The following UVRAG variants were observed in gnomAD, a reference collection of about 807,000 sequenced individuals.
The protein encoded by UVRAG is UV radiation resistance associated, also known as UV radiation resistance-associated gene protein.
Under a neutral mutation model 78.0 loss-of-function variants are expected in UVRAG, and 19 were observed. That is an observed-to-expected ratio of 0.24 (90% CI 0.17 to 0.36). The LOEUF (loss-of-function observed/expected upper bound fraction) is 0.36, where lower values mean the gene tolerates loss of function less well. Among genes scored for constraint, UVRAG ranks in the 10% least tolerant of loss-of-function variants. The pLI, the probability that UVRAG is intolerant of heterozygous loss-of-function variation, is 1.00. For missense variants in UVRAG, 740 were observed against 853.8 expected (o/e 0.87, Z 1.66); for synonymous variants, 323 against 324.6 (o/e 1.00, Z 0.05).
At chr11:75,913,710 G>A (rs978566226) in intron 6 of UVRAG, among the ~76,000 whole-genome samples, 1 of 152,122 alleles carries the variant, frequency 6.6e-6, no homozygotes, top group Non-Finnish European at 1.5e-5. Context: ...ATGCTTTGAC[G>A]GTTTTCTGAC....
chr11:76,091,527 T>C (rs1343876134), intron 13 of UVRAG, among the ~76,000 whole-genome samples: 1 of 152,182 alleles, frequency 6.6e-6, no homozygotes, highest in Non-Finnish European at 1.5e-5. Context: ...CCTGTACTGC[T>C]CCTGTAATTT....
chr11:76,049,866 G>A (rs1361963038), intron 12 of UVRAG, among the ~76,000 whole-genome samples: 2 of 152,184 alleles, frequency 1.3e-5, no homozygotes, highest in African/African-American at 4.8e-5. Flanking sequence ...AAGACACATG[G>A]GGAGAAATAA....
At chr11:76,136,826 T>G (rs979158934) in intron 14 of UVRAG, among the ~76,000 whole-genome samples, 18 of 152,270 alleles carry the variant, frequency 1.2e-4, no homozygotes, top group South Asian at 8.3e-4. Flanking sequence ...ATTAAACACA[T>G]ATATTTAAAA....
intron 6 of UVRAG, among the ~76,000 whole-genome samples, chr11:75,948,875 G>A (rs1313503457): frequency 6.6e-6 from 1 of 152,252 alleles, no homozygotes; most frequent in South Asian, 2.1e-4. Context: ...GAAATTGTAA[G>A]TTTATGGATT....
intron 3 of UVRAG, among the ~76,000 whole-genome samples, chr11:75,870,001 C>T (rs1946617158): frequency 6.6e-6 from 1 of 152,122 alleles, no homozygotes; most frequent in Admixed American, 6.5e-5. Flanking sequence ...TGTGGTGGTA[C>T]AGGTCCCTGG....
chr11:76,103,866 A>G (rs562149218), intron 13 of UVRAG, among the ~76,000 whole-genome samples: 2 of 152,214 alleles, frequency 1.3e-5, no homozygotes, highest in East Asian at 3.9e-4. Context: ...TTAAAAGACT[A>G]AATATGTATA....
chr11:75,865,095 C>T (rs1442545767), intron 3 of UVRAG, among the ~76,000 whole-genome samples: 1 of 152,050 alleles, frequency 6.6e-6, no homozygotes, highest in Non-Finnish European at 1.5e-5. Flanking sequence ...TGAGACCAGC[C>T]TGACCAACAT....
intron 7 of UVRAG, among the ~76,000 whole-genome samples, chr11:75,979,278 C>T (rs530190158): frequency 9.2e-5 from 14 of 152,322 alleles, no homozygotes; most frequent in South Asian, 6.2e-4. Context: ...AGGTGTCAGT[C>T]GGCCCCTGCT....
At chr11:76,117,699 G>A (rs1375760990) in intron 14 of UVRAG, among the ~76,000 whole-genome samples, 1 of 152,188 alleles carries the variant, frequency 6.6e-6, no homozygotes, top group African/African-American at 2.4e-5. Flanking sequence ...TACAGAGGCA[G>A]GCCCTTAACT....
chr11:75,834,479 T>C (rs1231022795), intron 1 of UVRAG, among the ~76,000 whole-genome samples: 4 of 152,156 alleles, frequency 2.6e-5, no homozygotes, highest in Non-Finnish European at 5.9e-5. Context: ...TGTGTGTACA[T>C]GCATGCCCTT....
At chr11:75,819,319 A>G (rs919269995) in intron 1 of UVRAG, among the ~76,000 whole-genome samples, 2 of 152,116 alleles carry the variant, frequency 1.3e-5, no homozygotes, top group Admixed American at 6.5e-5. Flanking sequence ...AGCAAGAACT[A>G]GTGACACATT....
At chr11:75,912,073 A>C in intron 6 of UVRAG, 34 bp downstream of exon 6, 1 of 1,434,044 alleles carries the variant, frequency 7.0e-7, no homozygotes, top group Admixed American at 1.7e-5. Context: ...TGAATTCTAA[A>C]GAATCTTTCT....
chr11:76,133,732 A>G (rs1399929626), intron 14 of UVRAG, among the ~76,000 whole-genome samples: 1 of 152,166 alleles, frequency 6.6e-6, no homozygotes, highest in Admixed American at 6.5e-5. Context: ...ATGTACCTCA[A>G]AGGATTCTGG....
At chr11:75,907,353 A>G (rs1358709324) in intron 5 of UVRAG, among the ~76,000 whole-genome samples, 1 of 149,780 alleles carries the variant, frequency 6.7e-6, no homozygotes, top group Non-Finnish European at 1.5e-5. Flanking sequence ...TTTTTTGTAG[A>G]TGCCCTTTAT....
Position 76,001,118 on chromosome 11 carries a change from T to C in UVRAG, c.827-2887T>C, listed in dbSNP as rs192597743. The stretch of plus-strand genomic sequence containing the variant: ...TACCATAAGACAAACAAATACAAAA[T>C]AATTAAAATCATACAAAGTATGTTT... On this transcript the variant is annotated intron_variant, in intron 8 of 14. Transcript: ENST00000356136. Among the ~76,000 whole-genome samples the C allele has an allele frequency of 5.9e-5, 9 of 152,184 alleles. No individual in the cohort carries two copies. The East Asian group carries it at 1.7e-3, about 29-fold the overall frequency.
chr11:76,057,715 GTT>G (rs202051860), intron 12 of UVRAG, among the ~76,000 whole-genome samples: 1 of 147,074 alleles, frequency 6.8e-6, no homozygotes. Flanking sequence ...AATGCAAGAT[GTT>G]TTTTTTTTTC....
chr11:76,080,892 A>G (rs1037102528), intron 13 of UVRAG, among the ~76,000 whole-genome samples: 1 of 152,210 alleles, frequency 6.6e-6, no homozygotes, highest in Non-Finnish European at 1.5e-5. Context: ...TCACTTCCTG[A>G]TCAGTGTTGC....
At chr11:75,981,901 T>C (rs1949402872) in intron 7 of UVRAG, among the ~76,000 whole-genome samples, 1 of 150,638 alleles carries the variant, frequency 6.6e-6, no homozygotes, top group South Asian at 2.1e-4. Context: ...GTTTCTTTGC[T>C]GAGACTTTCT....
At chr11:76,138,948 G>T (rs1344062577) in intron 14 of UVRAG, among the ~76,000 whole-genome samples, 2 of 152,204 alleles carry the variant, frequency 1.3e-5, no homozygotes. Flanking sequence ...CCCAATTATT[G>T]TGAATTTGGG....
Sources: allele counts gnomAD v4.1 joint callset (sites outside exome capture counted in the v4.1 genomes callset), GRCh38; gene constraint gnomAD v4.1.1; transcripts MANE v1.5; gene names NCBI Gene and HGNC (gene_info 2026-07-23, HGNC 2026-07-21).